Variants in PDGFRA observed in about 807,000 individuals in gnomAD.
PDGFRA encodes the protein platelet-derived growth factor receptor alpha.
PDGFRA carries 25 observed loss-of-function variants against 121.5 expected under a neutral mutation model. That is an observed-to-expected ratio of 0.21 (90% confidence interval 0.15 to 0.29). PDGFRA has a LOEUF of 0.29. PDGFRA is among the 10% of genes least tolerant of loss of function. PDGFRA has a pLI of 1.00. For missense variants in PDGFRA, 1,008 were observed against 1,345.1 expected, an observed-to-expected ratio of 0.75 and a Z score of 3.92; for synonymous variants, 463 against 494.8, an observed-to-expected ratio of 0.94 and a Z score of 0.85.
At chr4:54,239,565 G>A (rs1038388395) in intron 1 of PDGFRA, among the ~76,000 whole-genome samples, 1 of 152,176 alleles carries the variant, frequency 6.6e-6, no homozygotes, top group Admixed American at 6.5e-5. Context: ...GGCACTGTTT[G>A]GGCTTCACCG....
chr4:54,282,297 G>T (rs1355766933), intron 16 of PDGFRA, among the ~76,000 whole-genome samples: 1 of 152,086 alleles, frequency 6.6e-6, no homozygotes, highest in African/African-American at 2.4e-5. Flanking sequence ...CAGGAATCAA[G>T]ATACTGGTAG....
At chr4:54,271,974 TCCCCTCCCCCTCCCCTCC>T (rs1200648368) in intron 8 of PDGFRA, among the ~76,000 whole-genome samples, 2 of 5,034 alleles carry the variant, frequency 4.0e-4, no homozygotes, top group Non-Finnish European at 7.7e-4. Context: ...CCCTCCCCCC[TCCCCTCCCCCTCCCCTCC>T]CCCCTCCCCC....
At chr4:54,243,093 G>T (rs753671820) in intron 1 of PDGFRA, among the ~76,000 whole-genome samples, 47 of 152,096 alleles carry the variant, frequency 3.1e-4, no homozygotes, top group Non-Finnish European at 5.3e-4. Flanking sequence ...ATGCTCTTGG[G>T]CATCCACCTA....
intron 12 of PDGFRA, among the ~76,000 whole-genome samples, chr4:54,275,676 T>C (rs7656613): frequency 0.21 from 32,159 of 152,222 alleles, 4,545 homozygotes; most frequent in East Asian, 0.48. Flanking sequence ...ACCGGTCTCA[T>C]TGCAAAATAC....
intron 1 of PDGFRA, among the ~76,000 whole-genome samples, chr4:54,247,355 A>G (rs191497906): frequency 6.6e-6 from 1 of 152,352 alleles, no homozygotes; most frequent in Non-Finnish European, 1.5e-5. Context: ...GCAGCACATC[A>G]AAAAGCTTAT....
intron 5 of PDGFRA, among the ~76,000 whole-genome samples, chr4:54,265,697 TG>T (rs1722994005): frequency 1.3e-5 from 2 of 152,214 alleles, no homozygotes; most frequent in South Asian, 4.1e-4. Context: ...GCCACCATGC[TG>T]CCTCTTGGTC....
chr4:54,248,512 T>C (rs1471315885), intron 1 of PDGFRA, among the ~76,000 whole-genome samples: 1 of 152,150 alleles, frequency 6.6e-6, no homozygotes, highest in Non-Finnish European at 1.5e-5. Context: ...TGGCTAGCCA[T>C]ATGTAGAAAG....
intron 22 of PDGFRA, among the ~76,000 whole-genome samples, chr4:54,291,027 T>C (rs1320154166): frequency 6.6e-6 from 1 of 152,136 alleles, no homozygotes; most frequent in African/African-American, 2.4e-5. Context: ...AACAACAAAT[T>C]AGAATCCCTG....
intron 5 of PDGFRA, chr4:54,265,293 C>A (rs1175462933): frequency 2.9e-5 from 13 of 452,240 alleles, no homozygotes. Context: ...CGTAAGCCTT[C>A]TTTTTCAGAA....
chr4:54,272,200 A>C (rs1307252376), intron 8 of PDGFRA, among the ~76,000 whole-genome samples, 194 bp from the exon 9 acceptor site: 1 of 151,594 alleles, frequency 6.6e-6, no homozygotes, highest in East Asian at 2.0e-4. Flanking sequence ...AAATCTCAAA[A>C]CACCAAAACT....
At chr4:54,235,783 A>T (rs1470103597) in intron 1 of PDGFRA, among the ~76,000 whole-genome samples, 1 of 152,260 alleles carries the variant, frequency 6.6e-6, no homozygotes, top group Non-Finnish European at 1.5e-5. Flanking sequence ...AGTCTGCAGA[A>T]AAAGTCGTGA....
Position 54,264,960 on chromosome 4 carries a change from G to A in PDGFRA, c.670G>A (p.Val224Met), listed in dbSNP as rs1248275606. Residue 224 changes from valine (V) to methionine (M), a missense_variant, in exon 5 of 23, where the codon GTG (valine) becomes ATG (methionine). By Grantham distance (21) the Val-to-Met change is conservative. Transcript: ENST00000257290. ...LDLEMEALKT[V>M]YKSGETIVVT... ...TCTAGAAATGGAAGCTCTTAAAACC[G>A]TGTATAAGTCAGGGGAAACGATTGT... is the stretch of plus-strand genomic sequence containing the variant. The A allele has an allele frequency of 8.7e-6, 14 of 1,612,876 alleles. No homozygotes were observed. Among genetic ancestry groups the A allele is most frequent in the East Asian group, 2.2e-5 (1 of 44,870 alleles).
chr4:54,239,904 G>T (rs372795328), intron 1 of PDGFRA: 6 of 156,728 alleles, frequency 3.8e-5, no homozygotes, highest in African/African-American at 1.2e-4. Flanking sequence ...AGGCTGGAGT[G>T]CAGTGGCATA....
At chr4:54,249,183 G>A (rs1191605428) in intron 1 of PDGFRA, among the ~76,000 whole-genome samples, 2 of 151,934 alleles carry the variant, frequency 1.3e-5, no homozygotes, top group Non-Finnish European at 2.9e-5. Flanking sequence ...TATTTGGTTG[G>A]TGGGACTGTA....
intron 6 of PDGFRA, 37 bp from the exon 7 acceptor site, chr4:54,267,515 G>A (rs753813908): frequency 6.2e-7 from 1 of 1,613,446 alleles, no homozygotes; most frequent in Non-Finnish European, 8.5e-7. Flanking sequence ...ATCCATATGT[G>A]GTAATCATTA....
intron 10 of PDGFRA, among the ~76,000 whole-genome samples, chr4:54,274,229 A>G (rs1306676900): frequency 2.0e-5 from 3 of 152,236 alleles, no homozygotes; most frequent in Non-Finnish European, 4.4e-5. Context: ...GTAGCTGTCA[A>G]TTGCATTTAT....
intron 15 of PDGFRA, among the ~76,000 whole-genome samples, chr4:54,279,929 C>T (rs1398788385): frequency 6.6e-6 from 1 of 151,468 alleles, no homozygotes; most frequent in East Asian, 1.9e-4. Context: ...TATATGCACA[C>T]CTACACATAC....
chr4:54,277,294 G>A, intron 12 of PDGFRA, 94 bp from the exon 13 acceptor site: 4 of 849,650 alleles, frequency 4.7e-6, no homozygotes, highest in South Asian at 1.3e-5. Flanking sequence ...AAAGACACTC[G>A]CCCAGCTGTC....
intron 1 of PDGFRA, among the ~76,000 whole-genome samples, chr4:54,238,601 T>C (rs1400075116): frequency 6.6e-6 from 1 of 152,100 alleles, no homozygotes; most frequent in Non-Finnish European, 1.5e-5. Context: ...AGGTTACACA[T>C]TTGTAGTCAC....
Sources: allele counts gnomAD v4.1 joint callset (sites outside exome capture counted in the v4.1 genomes callset), GRCh38; gene constraint gnomAD v4.1.1; transcripts MANE v1.5; gene names NCBI Gene and HGNC (gene_info 2026-07-23, HGNC 2026-07-21).